Variants in CNTNAP2 observed in about 807,000 individuals in gnomAD.
CNTNAP2 encodes the protein contactin-associated protein-like 2.
In CNTNAP2, 98 loss-of-function variants were observed where a neutral mutation model predicts 155.2. The ratio of observed to expected loss-of-function variants is 0.63; its 90% CI spans 0.54 to 0.75. CNTNAP2 has a LOEUF of 0.75. CNTNAP2 is among the 30% of genes least tolerant of loss of function. The pLI, the probability that CNTNAP2 is intolerant of heterozygous loss-of-function variation, is 0.00. For missense variants in CNTNAP2, 1,727 were observed against 1,688.1 expected, an observed-to-expected ratio of 1.02 and a Z score of -0.40; for synonymous variants, 651 against 631.2, an observed-to-expected ratio of 1.03 and a Z score of -0.47.
chr7:146,631,759 T>A (rs568080059), intron 1 of CNTNAP2, among the ~76,000 whole-genome samples: 1 of 152,308 alleles, frequency 6.6e-6, no homozygotes, highest in African/African-American at 2.4e-5. Flanking sequence ...CACAGTGAAC[T>A]ACATACTGGC....
At chr7:146,865,573 G>A (rs1156229691) in intron 3 of CNTNAP2, among the ~76,000 whole-genome samples, 1 of 152,034 alleles carries the variant, frequency 6.6e-6, no homozygotes, top group East Asian at 1.9e-4. Flanking sequence ...TCAACAAATG[G>A]TGTTAGAAAA....
intron 10 of CNTNAP2, among the ~76,000 whole-genome samples, chr7:147,450,233 G>C (rs1004996944): frequency 6.6e-6 from 1 of 152,190 alleles, no homozygotes; most frequent in Non-Finnish European, 1.5e-5. Flanking sequence ...GCACTCAAAT[G>C]CCATTCCTGA....
At chr7:146,873,006 G>A (rs961166213) in intron 3 of CNTNAP2, among the ~76,000 whole-genome samples, 3 of 152,070 alleles carry the variant, frequency 2.0e-5, no homozygotes, top group Admixed American at 6.6e-5. Flanking sequence ...ATATTTTACT[G>A]CATGAGAAAT....
chr7:147,785,126 T>C (rs1174006582), intron 13 of CNTNAP2, among the ~76,000 whole-genome samples: 2 of 152,144 alleles, frequency 1.3e-5, no homozygotes, highest in Admixed American at 6.5e-5. Context: ...GAGGAGGTCT[T>C]GATGAGACAT....
chr7:146,971,928 C>A (rs193211731), intron 3 of CNTNAP2, among the ~76,000 whole-genome samples: 4 of 152,278 alleles, frequency 2.6e-5, no homozygotes, highest in African/African-American at 9.6e-5. Context: ...ATTTATATCA[C>A]GCATCTACTT....
chr7:147,980,651 G>A (rs144979880), intron 15 of CNTNAP2, among the ~76,000 whole-genome samples: 1,823 of 152,010 alleles, frequency 0.012, 31 homozygotes, highest in African/African-American at 0.042. Flanking sequence ...ACGGCCGGGC[G>A]CGGTGGCTCA....
chr7:148,012,337 T>G (rs1226959752), intron 15 of CNTNAP2, among the ~76,000 whole-genome samples: 1 of 152,236 alleles, frequency 6.6e-6, no homozygotes, highest in African/African-American at 2.4e-5. Context: ...TTTAGAGATT[T>G]TCAGAACCCC....
At chr7:146,760,174 A>G (rs1478406988) in intron 1 of CNTNAP2, among the ~76,000 whole-genome samples, 3 of 152,146 alleles carry the variant, frequency 2.0e-5, no homozygotes, top group African/African-American at 7.2e-5. Flanking sequence ...ATTTTAATAA[A>G]TAAGGTAAAT....
intron 22 of CNTNAP2, among the ~76,000 whole-genome samples, chr7:148,395,150 CTTT>C (rs71188978): frequency 1.5e-5 from 2 of 134,254 alleles, no homozygotes; most frequent in South Asian, 2.4e-4. Flanking sequence ...GATTATGTGG[CTTT>C]TTTTTTTTCT....
chr7:147,266,152 C>T (rs1355513676), intron 8 of CNTNAP2, among the ~76,000 whole-genome samples: 2 of 152,134 alleles, frequency 1.3e-5, no homozygotes, highest in African/African-American at 4.8e-5. Flanking sequence ...GATGAATTAA[C>T]AGATGTAGGC....
intron 12 of CNTNAP2, among the ~76,000 whole-genome samples, chr7:147,633,012 C>T (rs900093935): frequency 8.5e-5 from 13 of 152,192 alleles, no homozygotes; most frequent in African/African-American, 3.1e-4. Flanking sequence ...GAAAAGAAAA[C>T]TCCGTTTTCT....
chr7:147,992,813 T>G (rs996907204), intron 15 of CNTNAP2, among the ~76,000 whole-genome samples: 1 of 152,248 alleles, frequency 6.6e-6, no homozygotes. Context: ...TTTTCTTGAC[T>G]TACTCAAGCT....
chr7:146,728,396 A>G (rs1174266697), intron 1 of CNTNAP2, among the ~76,000 whole-genome samples: 2 of 152,080 alleles, frequency 1.3e-5, no homozygotes, highest in African/African-American at 4.8e-5. Flanking sequence ...CTTGATGTTT[A>G]TTGCAAATAA....
intron 1 of CNTNAP2, among the ~76,000 whole-genome samples, chr7:146,525,433 C>A (rs186555400): frequency 6.6e-6 from 1 of 151,830 alleles, no homozygotes; most frequent in Non-Finnish European, 1.5e-5. Flanking sequence ...AATAGAAATA[C>A]CAAATTGAGA....
intron 8 of CNTNAP2, among the ~76,000 whole-genome samples, chr7:147,246,073 T>TATATATATACATATATATGGCATAC (rs1804057839): frequency 6.7e-6 from 1 of 149,746 alleles, no homozygotes; most frequent in South Asian, 2.1e-4. Flanking sequence ...ATATGGCATA[T>TATATATATACATATATATGGCATAC]ATATATATAC....
At chr7:146,686,377 G>A (rs1216284515) in intron 1 of CNTNAP2, among the ~76,000 whole-genome samples, 2 of 152,114 alleles carry the variant, frequency 1.3e-5, no homozygotes, top group Non-Finnish European at 2.9e-5. Context: ...TGTTGCGTGT[G>A]CAGAATGCAA....
chr7:146,144,500 C>A (rs1049424640), intron 1 of CNTNAP2, among the ~76,000 whole-genome samples: 2 of 152,206 alleles, frequency 1.3e-5, no homozygotes, highest in East Asian at 1.9e-4. Flanking sequence ...ACAACAACAA[C>A]AAAAAATTTC....
intron 1 of CNTNAP2, among the ~76,000 whole-genome samples, chr7:146,631,399 T>G (rs900141364): frequency 2.0e-5 from 3 of 152,192 alleles, no homozygotes; most frequent in African/African-American, 7.2e-5. Flanking sequence ...ATTTCATGTC[T>G]GGGCACCTGT....
At chr7:147,769,728 G>T (rs558818504) in intron 13 of CNTNAP2, among the ~76,000 whole-genome samples, 1 of 152,226 alleles carries the variant, frequency 6.6e-6, no homozygotes, top group Non-Finnish European at 1.5e-5. Context: ...ATTTTTGTTT[G>T]CATAATCTGA....
Sources: gnomAD v4.1 joint callset for allele counts (sites outside exome capture counted in the v4.1 genomes callset) on GRCh38, gnomAD v4.1.1 for gene constraint, MANE v1.5 for transcripts, NCBI Gene and HGNC (gene_info 2026-07-23, HGNC 2026-07-21) for gene names.